The following BAIAP2 variants were observed in gnomAD, a reference collection of about 807,000 sequenced individuals.
BAIAP2 encodes BAR/IMD domain-containing adapter protein 2.
Under a neutral mutation model 63.0 loss-of-function variants are expected in BAIAP2, and 18 were observed. The ratio of observed to expected loss-of-function variants is 0.29; its 90% CI spans 0.20 to 0.42. The LOEUF is 0.42. Among genes scored for constraint, BAIAP2 ranks in the 10% least tolerant of loss-of-function variants. The pLI, the probability that BAIAP2 is intolerant of heterozygous loss-of-function variation, is 1.00. For missense variants in BAIAP2, 610 were observed against 734.3 expected, an observed-to-expected ratio of 0.83 and a Z score of 1.96; for synonymous variants, 386 against 307.6, an observed-to-expected ratio of 1.25 and a Z score of -2.67.
intron 12 of BAIAP2, chr17:81,107,332 G>C (rs1304431029): frequency 5.8e-6 from 1 of 172,312 alleles, no homozygotes; most frequent in Non-Finnish European, 1.2e-5. Context: ...TGAGATGGGA[G>C]TGCTTGCTGC....
intron 12 of BAIAP2, chr17:81,107,895 C>T (rs2146031038): frequency 6.4e-6 from 1 of 156,474 alleles, no homozygotes; most frequent in South Asian, 1.9e-4. Context: ...CTGGGAGAGC[C>T]AAGGAGGGGT....
chr17:81,113,437 C>G (rs1350722457), intron 13 of BAIAP2, among the ~76,000 whole-genome samples: 2 of 152,220 alleles, frequency 1.3e-5, no homozygotes, highest in Non-Finnish European at 2.9e-5. Context: ...TTGTCATATT[C>G]TATTGGCTCA....
At chr17:81,113,991 G>T (rs1347224531) in intron 13 of BAIAP2, among the ~76,000 whole-genome samples, 4 of 138,396 alleles carry the variant, frequency 2.9e-5, no homozygotes, top group South Asian at 2.3e-4. Flanking sequence ...TTGAGACAGG[G>T]TCTTACTCTG....
intron 6 of BAIAP2, chr17:81,098,201 T>G: frequency 7.1e-7 from 1 of 1,416,876 alleles, no homozygotes. Flanking sequence ...GTCAGGTGAG[T>G]CATACAACAA....
chr17:81,070,360 C>T (rs2052368101), intron 3 of BAIAP2, among the ~76,000 whole-genome samples: 1 of 152,246 alleles, frequency 6.6e-6, no homozygotes, highest in Non-Finnish European at 1.5e-5. Context: ...GACGTCCAGG[C>T]AGCCTTCGGG....
chr17:81,066,919 G>T (rs989928034), intron 3 of BAIAP2, among the ~76,000 whole-genome samples: 1 of 152,238 alleles, frequency 6.6e-6, no homozygotes, highest in Non-Finnish European at 1.5e-5. Flanking sequence ...CTGCTTTCAG[G>T]CCCTCACGGC....
chr17:81,090,040 C>T (rs895944570), intron 6 of BAIAP2, among the ~76,000 whole-genome samples: 7 of 152,166 alleles, frequency 4.6e-5, no homozygotes, highest in Non-Finnish European at 8.8e-5. Context: ...GCTGAGCAGC[C>T]TCCTTTCTCT....
At chr17:81,058,848 T>C (rs1002633502) in intron 3 of BAIAP2, among the ~76,000 whole-genome samples, 10 of 150,090 alleles carry the variant, frequency 6.7e-5, no homozygotes, top group African/African-American at 2.5e-4. Flanking sequence ...TTCCCTTCTT[T>C]CTACTTTTCT....
intron 6 of BAIAP2, among the ~76,000 whole-genome samples, chr17:81,091,963 C>T (rs1304342479): frequency 6.6e-6 from 1 of 152,276 alleles, no homozygotes; most frequent in African/African-American, 2.4e-5. Flanking sequence ...CAGGCAGCTC[C>T]ACGGGCTGGA....
At chr17:81,098,115 G>A (rs1364168876) in intron 6 of BAIAP2, 9 of 1,405,058 alleles carry the variant, frequency 6.4e-6, no homozygotes, top group Non-Finnish European at 8.4e-6. Flanking sequence ...GGGGTGGGGA[G>A]GCATGCTCCT....
intron 6 of BAIAP2, among the ~76,000 whole-genome samples, chr17:81,097,227 G>C (rs2057777939): frequency 6.6e-6 from 1 of 152,250 alleles, no homozygotes; most frequent in Non-Finnish European, 1.5e-5. Context: ...GGGCAGGTGG[G>C]GTTTAGTGTG....
At chr17:81,066,841 T>TCCTGCAGGTGGAGGCCGCAGCCTCCC (rs1470945004) in intron 3 of BAIAP2, among the ~76,000 whole-genome samples, 1 of 152,214 alleles carries the variant, frequency 6.6e-6, no homozygotes. Context: ...CCCAGCCTCC[T>TCCTGCAGGTGGAGGCCGCAGCCTCCC]CCTGCAGGTG....
chr17:81,069,570 G>A (rs1001928834), intron 3 of BAIAP2, among the ~76,000 whole-genome samples: 4 of 152,238 alleles, frequency 2.6e-5, no homozygotes, highest in East Asian at 1.9e-4. Context: ...GGGAGTTCTC[G>A]AGTCTGTTCC....
chr17:81,089,159 C>T (rs531346496), intron 6 of BAIAP2, among the ~76,000 whole-genome samples: 2 of 152,386 alleles, frequency 1.3e-5, no homozygotes, highest in South Asian at 4.1e-4. Flanking sequence ...TTTGGAAGAC[C>T]TTCTCCTTGC....
Position 81,116,443 on chromosome 17 carries a change from GC to G in BAIAP2, c.*608del. 1 of 1,166,342 alleles carries G rather than the reference GC, an allele frequency of 8.6e-7. No individual in the cohort carries two copies. Among genetic ancestry groups the G allele is most frequent in the Non-Finnish European group, 1.2e-6 (1 of 835,414 alleles). The allele number at this position is 1,166,342 out of a possible 1,614,324, so 72.2% of individuals were successfully genotyped here. A position where few individuals can be genotyped will look rare whatever the true frequency, so the allele number is the denominator to read the frequency against. On this transcript the variant is annotated 3_prime_UTR_variant, in exon 14 of 14. Transcript: ENST00000428708. ...GGCAATGTCACAAGGGCCTCCCCAG[GC>G]CCCTCCTGCCTCGGGCAGGCCCCAG...
intron 4 of BAIAP2, chr17:81,085,362 G>T: frequency 1.7e-6 from 1 of 591,684 alleles, no homozygotes; most frequent in Non-Finnish European, 3.1e-6. Flanking sequence ...GTGTCGCAGT[G>T]ATCCCCAGCA....
At position 81,105,512 on chromosome 17, in the gene BAIAP2, C is replaced by T. The variant is rs745910423; in HGVS notation, c.1269-566C>T. 91 of 154,930 alleles carry T rather than the reference C, an allele frequency of 5.9e-4. 1 individual carries two copies. The Middle Eastern group carries it at 0.023, about 40-fold the overall frequency. 9.6% of individuals were successfully genotyped at this position (154,930 alleles called of 1,614,324 possible). A position where few individuals can be genotyped will look rare whatever the true frequency, so the allele number is the denominator to read the frequency against. On this transcript the variant is annotated intron_variant, in intron 10 of 13. Coordinates refer to ENST00000428708, the MANE Select transcript of BAIAP2 (RefSeq NM_001144888.2). ...CTATGGAGTCAGATGGGCCACACCTCCTCAGTTTACTGAATGCTGTTGCAG... is the reference window on the plus strand; with the variant it reads ...CTATGGAGTCAGATGGGCCACACCTTCTCAGTTTACTGAATGCTGTTGCAG...
intron 3 of BAIAP2, among the ~76,000 whole-genome samples, chr17:81,075,684 T>G (rs564317234): frequency 1.1e-3 from 171 of 152,308 alleles, no homozygotes; most frequent in African/African-American, 3.9e-3. Context: ...ACCCTTTCAG[T>G]GCTACGCGTA....
intron 1 of BAIAP2, among the ~76,000 whole-genome samples, chr17:81,048,818 C>T (rs990520700): frequency 4.6e-5 from 7 of 152,184 alleles, no homozygotes; most frequent in Non-Finnish European, 8.8e-5. Context: ...CTGGGACATC[C>T]GTCTCTGTGG....
Sources: gnomAD v4.1 joint callset for allele counts (sites outside exome capture counted in the v4.1 genomes callset) on GRCh38, gnomAD v4.1.1 for gene constraint, MANE v1.5 for transcripts, NCBI Gene and HGNC (gene_info 2026-07-23, HGNC 2026-07-21) for gene names.